The following CSMD1 variants were observed in gnomAD, a reference collection of about 807,000 sequenced individuals.
The protein encoded by CSMD1 is CUB and sushi domain-containing protein 1.
Under a neutral mutation model 417.5 loss-of-function variants are expected in CSMD1, and 213 were observed. The observed-to-expected ratio is 0.51, with a 90% CI of 0.46 to 0.57. CSMD1 has a LOEUF of 0.57. Among genes scored for constraint, CSMD1 ranks in the 20% least tolerant of loss-of-function variants. CSMD1 has a pLI of 0.00. For missense variants in CSMD1, 6,923 were observed against 4,529.7 expected, an observed-to-expected ratio of 1.53 and a Z score of -15.17; for synonymous variants, 2,862 against 1,736.8, an observed-to-expected ratio of 1.65 and a Z score of -16.11.
In CSMD1 at chr8:4,537,689, G is replaced by A. The variant is rs185259899; in HGVS notation, c.302+99653C>T. Among the ~76,000 whole-genome samples, 510 of 152,188 alleles carry A rather than the reference G, an allele frequency of 3.4e-3. 4 individuals are homozygous for A. The highest frequency in any genetic ancestry group is 2.6e-3 in the Non-Finnish European group (177 of 68,006). On this transcript the variant is annotated intron_variant, in intron 2 of 69. Transcript: ENST00000635120. ...TCATTCTTCCTCGAAGACTCCATCAGGGTGTGCTCAGACAAAAGCATGGCT... is the reference window on the plus strand; with the variant it reads ...TCATTCTTCCTCGAAGACTCCATCAAGGTGTGCTCAGACAAAAGCATGGCT...
chr8:4,828,496 A>G (rs925443851), intron 1 of CSMD1, among the ~76,000 whole-genome samples: 10 of 152,098 alleles, frequency 6.6e-5, no homozygotes, highest in Admixed American at 5.2e-4. Context: ...GTCTTGGGGT[A>G]AGATCCGAAA....
chr8:3,386,680 T>A (rs560350825), intron 18 of CSMD1, among the ~76,000 whole-genome samples: 1 of 152,230 alleles, frequency 6.6e-6, no homozygotes, highest in East Asian at 1.9e-4. Flanking sequence ...TTTTTGCTTT[T>A]TCCATAGAAA....
intron 3 of CSMD1, among the ~76,000 whole-genome samples, chr8:4,060,135 C>T (rs1192033229): frequency 1.3e-5 from 2 of 152,106 alleles, no homozygotes; most frequent in East Asian, 3.9e-4. Context: ...AAGGCTGGTT[C>T]AACATATACA....
intron 1 of CSMD1, among the ~76,000 whole-genome samples, chr8:4,954,957 A>G (rs1229550731): frequency 5.3e-5 from 8 of 152,140 alleles, no homozygotes; most frequent in Non-Finnish European, 7.4e-5. Flanking sequence ...TGACACTTTT[A>G]TCTTTTAGAA....
At chr8:4,791,570 A>T (rs1025185726) in intron 1 of CSMD1, among the ~76,000 whole-genome samples, 4 of 152,174 alleles carry the variant, frequency 2.6e-5, no homozygotes, top group Admixed American at 2.6e-4. Context: ...TTGGCTAGAA[A>T]CTAACGTGAG....
intron 5 of CSMD1, among the ~76,000 whole-genome samples, chr8:3,764,354 T>G (rs1798157788): frequency 6.6e-6 from 1 of 152,180 alleles, no homozygotes; most frequent in Non-Finnish European, 1.5e-5. Context: ...CTCTCTGCTC[T>G]AAACCACATT....
At chr8:4,210,241 AGGGGC>A in intron 3 of CSMD1, among the ~76,000 whole-genome samples, 1 of 152,266 alleles carries the variant, frequency 6.6e-6, no homozygotes. Flanking sequence ...TTCTCACAGG[AGGGGC>A]AGAGGACTGC....
intron 3 of CSMD1, among the ~76,000 whole-genome samples, chr8:4,072,987 T>C (rs952036930): frequency 6.6e-6 from 1 of 152,196 alleles, no homozygotes; most frequent in African/African-American, 2.4e-5. Context: ...TTGCCTTGAA[T>C]TACACAATAT....
At chr8:3,834,886 C>G (rs187860057) in intron 5 of CSMD1, among the ~76,000 whole-genome samples, 74 of 152,072 alleles carry the variant, frequency 4.9e-4, no homozygotes, top group African/African-American at 1.7e-3. Context: ...AAACAAACAA[C>G]CCCATCAAAA....
intron 10 of CSMD1, among the ~76,000 whole-genome samples, chr8:3,522,994 G>T (rs983285749): frequency 2.2e-5 from 3 of 137,570 alleles, no homozygotes; most frequent in East Asian, 2.0e-4. Context: ...ATACAAAATG[G>T]AGATACATAT....
chr8:4,300,771 G>A (rs920438061), intron 3 of CSMD1, among the ~76,000 whole-genome samples: 2 of 152,134 alleles, frequency 1.3e-5, no homozygotes, highest in African/African-American at 2.4e-5. Flanking sequence ...CCCTATGGGT[G>A]AGAACATGCA....
At chr8:3,715,920 C>T (rs916233084) in intron 6 of CSMD1, among the ~76,000 whole-genome samples, 1 of 152,226 alleles carries the variant, frequency 6.6e-6, no homozygotes, top group Non-Finnish European at 1.5e-5. Context: ...GCAGCTGCTG[C>T]AGCCCCTACT....
At chr8:4,368,812 G>C (rs1583653) in intron 3 of CSMD1, among the ~76,000 whole-genome samples, 122,552 of 152,044 alleles carry the variant, frequency 0.81, 50,108 homozygotes, top group African/African-American at 0.95. Context: ...TGTAATGTCA[G>C]CTTTGTCATT....
chr8:3,651,188 T>A (rs1001454577), intron 7 of CSMD1, among the ~76,000 whole-genome samples: 3 of 152,206 alleles, frequency 2.0e-5, no homozygotes, highest in African/African-American at 7.2e-5. Context: ...TTCCCTAGAA[T>A]GTATTCTCAA....
intron 2 of CSMD1, among the ~76,000 whole-genome samples, chr8:4,545,132 G>A (rs577808980): frequency 6.6e-6 from 1 of 152,162 alleles, no homozygotes; most frequent in Non-Finnish European, 1.5e-5. Context: ...AAGAGCACAG[G>A]TTTTAAAGTG....
chr8:3,359,540 A>T (rs1585049901), intron 20 of CSMD1, among the ~76,000 whole-genome samples, 200 bp from the exon 21 acceptor site: 1 of 143,694 alleles, frequency 7.0e-6, no homozygotes, highest in Non-Finnish European at 1.5e-5. Flanking sequence ...GGGATTTAGT[A>T]TTTTTTTTTT....
chr8:3,188,855 C>T (rs1796246581), intron 35 of CSMD1, 32 bp downstream of exon 35: 4 of 1,468,968 alleles, frequency 2.7e-6, no homozygotes, highest in Non-Finnish European at 3.6e-6. Flanking sequence ...CCAGCTGAGC[C>T]CTGTTGTAGA....
At chr8:3,151,198 G>C (rs539745348) in intron 40 of CSMD1, 199 bp downstream of exon 40, 2 of 502,874 alleles carry the variant, frequency 4.0e-6, no homozygotes, top group Non-Finnish European at 7.1e-6. Flanking sequence ...CTTGAAAAGA[G>C]TTGCATGGCT....
chr8:3,823,391 T>C (rs1440720807), intron 5 of CSMD1, among the ~76,000 whole-genome samples: 1 of 152,178 alleles, frequency 6.6e-6, no homozygotes, highest in Non-Finnish European at 1.5e-5. Flanking sequence ...TTAAATACTG[T>C]TAGATTTCAA....
Sources: gnomAD v4.1 joint callset for allele counts (sites outside exome capture counted in the v4.1 genomes callset) on GRCh38, gnomAD v4.1.1 for gene constraint, MANE v1.5 for transcripts, NCBI Gene and HGNC (gene_info 2026-07-23, HGNC 2026-07-21) for gene names.